The following SMYD3 variants were observed in gnomAD, a reference collection of about 807,000 sequenced individuals.
The protein encoded by SMYD3 is histone-lysine N-methyltransferase SMYD3.
A neutral mutation model predicts 57.7 loss-of-function variants in SMYD3; 36 were observed. The ratio of observed to expected loss-of-function variants is 0.62; its 90% CI spans 0.48 to 0.82. The LOEUF (loss-of-function observed/expected upper bound fraction) is 0.82, where lower values mean the gene tolerates loss of function less well. Ranked by LOEUF, SMYD3 falls within the 40% of genes least tolerant of loss-of-function variation. SMYD3 has a pLI of 0.00. For synonymous variants in SMYD3, 211 were observed against 195.0 expected, an observed-to-expected ratio of 1.08 and a Z score of -0.68; for missense variants, 515 against 538.8, an observed-to-expected ratio of 0.96 and a Z score of 0.44.
intron 5 of SMYD3, among the ~76,000 whole-genome samples, chr1:246,232,179 A>T (rs1212649971): frequency 6.6e-6 from 1 of 151,204 alleles, no homozygotes; most frequent in Non-Finnish European, 1.5e-5. Context: ...AAGCTTACTC[A>T]GTGGTTAGGG....
At chr1:246,373,523 A>G (rs2066222727) in intron 1 of SMYD3, among the ~76,000 whole-genome samples, 2 of 152,330 alleles carry the variant, frequency 1.3e-5, no homozygotes, top group African/African-American at 2.4e-5. Context: ...TAACATGAGA[A>G]GCTGACAACT....
Position 246,365,420 on chromosome 1 carries a change from G to A in SMYD3, c.165-10326C>T, listed in dbSNP as rs146991280. Among the ~76,000 whole-genome samples the A allele has an allele frequency of 7.0e-3, 1,042 of 148,276 alleles. 10 individuals carry two copies. Among genetic ancestry groups the A allele is most frequent in the Non-Finnish European group, 8.2e-3 (555 of 67,440 alleles). On this transcript the variant is annotated intron_variant, in intron 1 of 11. Transcript: ENST00000490107. ...TGAGGTGGGAGGATGGCTTGAGCCCGAGAGACTGAGGCTACAGTGAGCTGT... is the reference window on the plus strand; with the variant it reads ...TGAGGTGGGAGGATGGCTTGAGCCCAAGAGACTGAGGCTACAGTGAGCTGT...
At chr1:246,479,124 G>A (rs965705935) in intron 1 of SMYD3, among the ~76,000 whole-genome samples, 1 of 151,430 alleles carries the variant, frequency 6.6e-6, no homozygotes, top group Non-Finnish European at 1.5e-5. Flanking sequence ...CCTCTGTCCT[G>A]GAGCTGGTAC....
At chr1:245,904,397 A>G (rs1216105195) in intron 8 of SMYD3, among the ~76,000 whole-genome samples, 1 of 152,176 alleles carries the variant, frequency 6.6e-6, no homozygotes, top group African/African-American at 2.4e-5. Flanking sequence ...ACCCAGTCTC[A>G]GGTAATATCT....
chr1:246,481,531 T>C (rs2068099819), intron 1 of SMYD3, among the ~76,000 whole-genome samples: 1 of 144,032 alleles, frequency 6.9e-6, no homozygotes, highest in African/African-American at 2.5e-5. Context: ...TCTCAGGCCA[T>C]TGGACTCCAC....
chr1:246,107,236 G>A (rs564600388), intron 5 of SMYD3, among the ~76,000 whole-genome samples: 3 of 151,510 alleles, frequency 2.0e-5, no homozygotes, highest in South Asian at 2.1e-4. Context: ...GCAGTGAGCC[G>A]AGATTGCGCC....
chr1:246,476,447 C>T (rs1398055095), intron 1 of SMYD3, among the ~76,000 whole-genome samples: 1 of 152,144 alleles, frequency 6.6e-6, no homozygotes, highest in East Asian at 1.9e-4. Context: ...AAGACTGGGC[C>T]TGAGATTTTA....
intron 5 of SMYD3, among the ~76,000 whole-genome samples, chr1:246,273,777 GT>G (rs2064277129): frequency 6.6e-6 from 1 of 151,298 alleles, no homozygotes; most frequent in Non-Finnish European, 1.5e-5. Context: ...TAGAGACAGG[GT>G]TTCACCATGT....
Position 245,749,379 on chromosome 1 carries a change from C to G in SMYD3, c.*184G>C. On this transcript the variant is annotated 3_prime_UTR_variant, in exon 12 of 12. Coordinates refer to ENST00000490107, the MANE Select transcript of SMYD3 (RefSeq NM_001167740.2). ...CCAAATGTTTTGAATTTATTATAAT[C>G]GTGCTTCTCTACAACTAATGATTCT... 4.0e-6 allele frequency: 2 copies of G among 498,632 alleles called. No homozygotes were observed. Among genetic ancestry groups the G allele is most frequent in the East Asian group, 3.1e-5 (1 of 31,826 alleles). 30.9% of individuals were successfully genotyped at this position (498,632 alleles called of 1,614,324 possible).
At chr1:246,004,853 T>A (rs2059141683) in intron 5 of SMYD3, among the ~76,000 whole-genome samples, 1 of 150,546 alleles carries the variant, frequency 6.6e-6, no homozygotes, top group African/African-American at 2.4e-5. Context: ...GGGATAATAA[T>A]TTTTTTTTTG....
intron 1 of SMYD3, among the ~76,000 whole-genome samples, chr1:246,505,094 G>C (rs1223437187): frequency 6.6e-6 from 1 of 152,186 alleles, no homozygotes; most frequent in African/African-American, 2.4e-5. Context: ...TTTTGTGTCT[G>C]TGTAAAATAC....
intron 5 of SMYD3, among the ~76,000 whole-genome samples, chr1:246,249,546 T>A (rs2063768285): frequency 6.6e-6 from 1 of 151,938 alleles, no homozygotes; most frequent in Non-Finnish European, 1.5e-5. Context: ...TTTTTGTAAT[T>A]TCCTAAATGT....
At chr1:245,929,973 G>A in intron 5 of SMYD3, 36 bp from the exon 6 acceptor site, 1 of 1,571,126 alleles carries the variant, frequency 6.4e-7, no homozygotes, top group Non-Finnish European at 8.8e-7. Context: ...TATTACTAGA[G>A]TCACTTAAGA....
At chr1:245,801,724 TAAAA>T (rs35820552) in intron 10 of SMYD3, among the ~76,000 whole-genome samples, 55 of 145,606 alleles carry the variant, frequency 3.8e-4, no homozygotes, top group African/African-American at 8.0e-4. Context: ...CAGGATTTGT[TAAAA>T]AAAAAAAAAA....
At chr1:246,506,978 G>GCCCCCCCCCCCCC in intron 1 of SMYD3, 76 bp downstream of exon 1, 2 of 1,174,502 alleles carry the variant, frequency 1.7e-6, no homozygotes, top group Non-Finnish European at 1.1e-6. Context: ...CGCGGCTGCC[G>GCCCCCCCCCCCCC]GCCGCCCGAC....
chr1:246,020,292 T>C (rs1029959162), intron 5 of SMYD3, among the ~76,000 whole-genome samples: 1 of 152,246 alleles, frequency 6.6e-6, no homozygotes, highest in Non-Finnish European at 1.5e-5. Flanking sequence ...TAAAACAGTG[T>C]TCTCAAGACC....
At position 245,957,281 on chromosome 1, in the gene SMYD3, G is replaced by A. The variant is rs190719395; in HGVS notation, c.532-27344C>T. ...ACTAGCTAAAAAAAGAAAGACCATC[G>A]CTTTGACACACAATAGAAGTAAAAA... On this transcript the variant is annotated intron_variant, in intron 5 of 11. Transcript: ENST00000490107. Among the ~76,000 whole-genome samples the A allele has an allele frequency of 2.2e-3, 337 of 152,212 alleles. 3 individuals carry two copies. Among genetic ancestry groups the A allele is most frequent in the African/African-American group, 7.3e-3 (303 of 41,544 alleles).
At chr1:246,038,890 A>T (rs900944091) in intron 5 of SMYD3, among the ~76,000 whole-genome samples, 1 of 152,220 alleles carries the variant, frequency 6.6e-6, no homozygotes, top group African/African-American at 2.4e-5. Context: ...AGAAACAGGG[A>T]AAGTAAAATG....
At chr1:246,244,394 A>G (rs997947923) in intron 5 of SMYD3, among the ~76,000 whole-genome samples, 43 of 152,130 alleles carry the variant, frequency 2.8e-4, no homozygotes, top group African/African-American at 1.0e-3. Context: ...GAAAAAAAAA[A>G]TCCTGACTTT....
Sources: gnomAD v4.1 joint callset for allele counts (sites outside exome capture counted in the v4.1 genomes callset) on GRCh38, gnomAD v4.1.1 for gene constraint, MANE v1.5 for transcripts, NCBI Gene and HGNC (gene_info 2026-07-23, HGNC 2026-07-21) for gene names.